The following HHAT variants were observed in gnomAD, a reference collection of about 807,000 sequenced individuals.
HHAT encodes the protein hedgehog acyltransferase, also known as protein-cysteine N-palmitoyltransferase HHAT.
A neutral mutation model predicts 70.8 loss-of-function variants in HHAT; 47 were observed. The observed-to-expected ratio is 0.66, with a 90% CI of 0.53 to 0.85. The LOEUF (loss-of-function observed/expected upper bound fraction) is 0.85. Among genes scored for constraint, HHAT ranks in the 40% least tolerant of loss-of-function variants. The pLI, the probability that HHAT is intolerant of heterozygous loss-of-function variation, is 0.00. For missense variants in HHAT, 609 were observed against 604.8 expected (o/e 1.01, Z -0.07); for synonymous variants, 228 against 247.6 (o/e 0.92, Z 0.74).
chr1:210,579,488 G>T (rs1658699983), intron 9 of HHAT, among the ~76,000 whole-genome samples: 1 of 152,116 alleles, frequency 6.6e-6, no homozygotes, highest in Admixed American at 6.6e-5. Context: ...TGTTAGCAGT[G>T]TAGATTTCAT....
At chr1:210,399,087 A>G (rs1236643175) in intron 4 of HHAT, among the ~76,000 whole-genome samples, 1 of 152,226 alleles carries the variant, frequency 6.6e-6, no homozygotes, top group Admixed American at 6.5e-5. Context: ...CTTTGTTTCC[A>G]CAAGACGACC....
intron 7 of HHAT, among the ~76,000 whole-genome samples, chr1:210,423,303 T>G (rs759827648): frequency 6.6e-6 from 1 of 152,210 alleles, no homozygotes; most frequent in Non-Finnish European, 1.5e-5. Flanking sequence ...GTGGCTCTGA[T>G]TTGCATTTCC....
rs192652993 is a variant in HHAT, at chr1:210,387,564, A to C, written c.256A>C (p.Thr86Pro). The C allele has an allele frequency of 2.5e-5, 40 of 1,613,474 alleles. No individual in the cohort carries two copies. The African/African-American group carries it at 2.5e-4, about 10-fold the overall frequency. ...LGHMVVSQMA[T>P]LLARKHRPWI... ...CCACATGGTAGTGTCTCAAATGGCC[A>C]CACTGCTGGCAAGAAAGGTATGATT... is the stretch of plus-strand genomic sequence containing the variant. Residue 86 changes from threonine to proline, a missense_variant, in exon 4 of 12, where the codon ACA (threonine) becomes CCA (proline). Transcript: ENST00000261458.
At chr1:210,540,749 T>G (rs1211642744) in intron 9 of HHAT, among the ~76,000 whole-genome samples, 1 of 152,010 alleles carries the variant, frequency 6.6e-6, no homozygotes, top group East Asian at 1.9e-4. Flanking sequence ...GCTCAAGTTA[T>G]CCTCCCCTGC....
intron 6 of HHAT, among the ~76,000 whole-genome samples, chr1:210,406,398 TTC>T (rs887600550): frequency 6.4e-5 from 8 of 124,626 alleles, no homozygotes; most frequent in African/African-American, 2.5e-4. Context: ...CTCCTTTTTC[TTC>T]TTTTTTTTTT....
chr1:210,333,618 CTT>C (rs1429116493), intron 1 of HHAT, among the ~76,000 whole-genome samples: 1 of 151,572 alleles, frequency 6.6e-6, no homozygotes, highest in Non-Finnish European at 1.5e-5. Flanking sequence ...AAGTATCTGA[CTT>C]TTACTGGTGA....
chr1:210,513,726 C>T (rs943617057), intron 9 of HHAT, among the ~76,000 whole-genome samples: 1 of 152,130 alleles, frequency 6.6e-6, no homozygotes, highest in African/African-American at 2.4e-5. Context: ...GGAAATAGAC[C>T]AGCATATTAA....
chr1:210,387,701 T>C (rs2091187480), intron 4 of HHAT, 120 bp downstream of exon 4: 1 of 687,678 alleles, frequency 1.5e-6, no homozygotes, highest in Non-Finnish European at 2.5e-6. Context: ...GAAAAAATGA[T>C]AAAGTTGTTA....
At chr1:210,441,366 A>G (rs1373384180) in intron 7 of HHAT, among the ~76,000 whole-genome samples, 1 of 152,078 alleles carries the variant, frequency 6.6e-6, no homozygotes, top group African/African-American at 2.4e-5. Flanking sequence ...AAAACTCAGT[A>G]ATTTTTTTTA....
At chr1:210,409,898 T>A (rs1022568467) in intron 6 of HHAT, among the ~76,000 whole-genome samples, 4 of 152,176 alleles carry the variant, frequency 2.6e-5, no homozygotes, top group African/African-American at 9.7e-5. Flanking sequence ...ATTTCCATGG[T>A]GGCAGTTTCC....
At chr1:210,605,598 C>T (rs1229843154) in intron 10 of HHAT, among the ~76,000 whole-genome samples, 2 of 152,154 alleles carry the variant, frequency 1.3e-5, no homozygotes, top group Non-Finnish European at 2.9e-5. Flanking sequence ...TTAACAGTAG[C>T]CTTATAGGCG....
chr1:210,586,405 ACTC>A lies in HHAT; in HGVS notation c.1044-1490_1044-1488del, dbSNP rs372440081. Among the ~76,000 whole-genome samples the A allele has an allele frequency of 3.4e-4, 51 of 152,114 alleles. 1 individual carries two copies. The East Asian group carries it at 8.7e-3, about 26-fold the overall frequency. On this transcript the variant is annotated intron_variant, in intron 9 of 11. Coordinates refer to ENST00000261458, the MANE Select transcript of HHAT (RefSeq NM_018194.6). The stretch of plus-strand genomic sequence containing the variant: ...TGGTAAGCTGTGACTGCACCACTCT[ACTC>A]CTGCCTGGGTAACATCTAGAGATGC...
intron 9 of HHAT, among the ~76,000 whole-genome samples, chr1:210,557,856 A>G (rs1402656171): frequency 2.0e-5 from 3 of 152,196 alleles, no homozygotes; most frequent in Non-Finnish European, 2.9e-5. Flanking sequence ...CTGTCAAGGA[A>G]GAAGTGGGCA....
At chr1:210,375,419 G>T (rs1249706071) in intron 3 of HHAT, among the ~76,000 whole-genome samples, 1 of 152,034 alleles carries the variant, frequency 6.6e-6, no homozygotes, top group Non-Finnish European at 1.5e-5. Context: ...ATCTGCCATT[G>T]GTAGAGCCAC....
chr1:210,404,730 G>A lies in HHAT; in HGVS notation c.684+51G>A, dbSNP rs138115216. ...GGATTCTATAGCTTAAGCCTTTGTCGCTGTTGCTCTGGTCTTCTCTGACTC... is the reference window on the plus strand; with the variant it reads ...GGATTCTATAGCTTAAGCCTTTGTCACTGTTGCTCTGGTCTTCTCTGACTC... On this transcript the variant is annotated intron_variant, in intron 6 of 11. Transcript: ENST00000261458. The A allele has an allele frequency of 9.3e-5, 136 of 1,462,538 alleles. 1 individual carries two copies. The Middle Eastern group carries it at 2.3e-3, about 24-fold the overall frequency. The allele number at this position is 1,462,538 out of a possible 1,614,324, so 90.6% of individuals were successfully genotyped here.
intron 1 of HHAT, among the ~76,000 whole-genome samples, chr1:210,333,967 T>G (rs1196298055): frequency 1.3e-5 from 2 of 152,064 alleles, no homozygotes. Context: ...GGAACTGCTC[T>G]TACTACTGTG....
At chr1:210,500,116 C>A (rs965391583) in intron 8 of HHAT, among the ~76,000 whole-genome samples, 11 of 152,152 alleles carry the variant, frequency 7.2e-5, no homozygotes, top group Non-Finnish European at 4.4e-5. Context: ...GGGTTACCAA[C>A]AGGGGCAAGG....
chr1:210,331,469 A>G (rs1256343324), intron 1 of HHAT, among the ~76,000 whole-genome samples: 1 of 152,186 alleles, frequency 6.6e-6, no homozygotes, highest in Non-Finnish European at 1.5e-5. Flanking sequence ...TGTCTTAAAC[A>G]TACTTCTAGG....
At chr1:210,486,416 T>G (rs951083092) in intron 8 of HHAT, among the ~76,000 whole-genome samples, 1 of 152,212 alleles carries the variant, frequency 6.6e-6, no homozygotes, top group Non-Finnish European at 1.5e-5. Flanking sequence ...AGGATTGTTC[T>G]TGAGCTGCTG....
Sources: allele counts gnomAD v4.1 joint callset (sites outside exome capture counted in the v4.1 genomes callset), GRCh38; gene constraint gnomAD v4.1.1; transcripts MANE v1.5; gene names NCBI Gene and HGNC (gene_info 2026-07-23, HGNC 2026-07-21).